Variants in TBX3 observed in about 807,000 individuals in gnomAD.
The protein encoded by TBX3 is T-box transcription factor 3.
Under a neutral mutation model 47.8 loss-of-function variants are expected in TBX3, and 11 were observed. The observed-to-expected ratio is 0.23, with a 90% CI of 0.14 to 0.38. TBX3 has a LOEUF of 0.38. TBX3 is among the 10% of genes least tolerant of loss of function. The pLI is 1.00. For missense variants in TBX3, 927 were observed against 1,022.8 expected (o/e 0.91, Z 1.28); for synonymous variants, 500 against 449.3 (o/e 1.11, Z -1.43).
chr12:114,675,431 CAG>C (rs1347857963), intron 5 of TBX3, among the ~76,000 whole-genome samples: 3 of 152,182 alleles, frequency 2.0e-5, no homozygotes, highest in East Asian at 1.9e-4. Context: ...CCAGTCCCTG[CAG>C]AGAGAGATGA....
At chr12:114,679,785 G>A (rs1868850719) in intron 2 of TBX3, 134 bp from the exon 3 acceptor site, 1 of 1,530,250 alleles carries the variant, frequency 6.5e-7, no homozygotes, top group Non-Finnish European at 9.0e-7. Context: ...CCTCCTTGGA[G>A]TACCCCCTGG....
rs755321111 is a variant in TBX3, at chr12:114,672,251, T to G, written c.1762A>C (p.Met588Leu). 9 of 1,576,336 alleles carry G rather than the reference T, an allele frequency of 5.7e-6. No individual in the cohort carries two copies. In the Admixed American group the frequency reaches 1.5e-4, roughly 26 times the overall value. The change falls in exon 7 of 7, where the codon ATG (methionine) becomes CTG (leucine). Residue 588 changes from methionine to leucine, a missense_variant. Met to Leu is a conservative substitution (Grantham distance 15). Coordinates refer to ENST00000349155, the MANE Select transcript of TBX3 (RefSeq NM_005996.4). ...GSLFPYPYTYMAAAAAASSAA... is the reference protein window; with the variant it reads ...GSLFPYPYTYLAAAAAASSAA... ...GAGGAGGCGGCCGCCGCTGCGGCCA[T>G]GTACGTGTAGGGGTAAGGGAACAGG...
Position 114,674,202 on chromosome 12 carries a change from A to G in TBX3, c.1673T>C (p.Leu558Pro). Residue 558 changes from leucine (L) to proline (P), a missense_variant, in exon 6 of 7, where the codon CTG becomes CCG. Physicochemically the swap from Leu to Pro is moderately conservative, Grantham distance 98. This residue lies in a region of TBX3 where 623 missense variants were observed against 569.0 expected (regional missense o/e 1.09). Coordinates refer to ENST00000349155, the MANE Select transcript of TBX3 (RefSeq NM_005996.4). ...QGLSGASAAT[L>P]PFHLQQHVLA... ...GACGTGCTGCTGGAGGTGGAAGGGC[A>G]GGGTGGCCGCGGACGCCCCGGACAG... The G allele has an allele frequency of 1.3e-6, 2 of 1,582,974 alleles. No individual in the cohort carries two copies. Among genetic ancestry groups the G allele is most frequent in the South Asian group, 2.3e-5 (2 of 86,210 alleles).
Position 114,674,596 on chromosome 12 carries a change from G to C in TBX3, c.1279C>G (p.Arg427Gly). Residue 427 changes from arginine (R) to glycine (G), a missense_variant, in exon 6 of 7, where the codon CGC becomes GGC. Around this residue, in one of 5 missense-constraint regions of TBX3, gnomAD observed 623 missense variants for 569.0 expected, o/e 1.09. Coordinates refer to ENST00000349155, the MANE Select transcript of TBX3 (RefSeq NM_005996.4). ...HSPATISSST[R>G]GLGAEERRSP... ...CTGCGCTCCTCCGCGCCCAGGCCGC[G>C]AGTGCTGGACGAGATGGTGGCGGGG... The C allele has an allele frequency of 6.3e-7, 1 of 1,595,654 alleles. No homozygotes were observed. The highest frequency in any genetic ancestry group is 8.5e-7 in the Non-Finnish European group (1 of 1,172,730).
rs1381213244 is a variant in TBX3, at chr12:114,674,732, C to T, written c.1143G>A (p.Glu381=). The T allele has an allele frequency of 1.9e-5, 31 of 1,598,068 alleles. No individual in the cohort carries two copies. Among genetic ancestry groups the T allele is most frequent in the Non-Finnish European group, 2.6e-5 (31 of 1,176,390 alleles). ...GGCTGCCCTTGTCACGGCAGGGCTC[C>T]TCCGACGTGGTGGTGGAGATCTTGG... ...DAAKISTTTS[E]EPCRDKGSPA... is the part of the protein sequence containing the mutation. The change falls in exon 6 of 7, where the codon GAG becomes GAA. Residue 381 remains glutamate, a synonymous_variant. Coordinates refer to ENST00000349155, the MANE Select transcript of TBX3 (RefSeq NM_005996.4).
intron 1 of TBX3, 147 bp downstream of exon 1, chr12:114,682,665 G>C (rs1442009545): frequency 3.2e-6 from 4 of 1,240,724 alleles, no homozygotes; most frequent in Non-Finnish European, 4.5e-6. Context: ...ACCGGGGCAG[G>C]GCCTGGAAGT....
rs765946812 is a variant in TBX3, at chr12:114,672,024, C to T, written c.1989G>A (p.Ser663=). ...KVAALAASPA[S]VAVDSGSELN... The stretch of plus-strand genomic sequence containing the variant: ...GTTCAGAGCCCGAGTCCACTGCCAC[C>T]GAGGCCGGGCTGGCGGCCAGGGCGG... The change falls in exon 7 of 7, where the codon TCG becomes TCA. Residue 663 remains serine (S), a synonymous_variant. Coordinates refer to ENST00000349155, the MANE Select transcript of TBX3 (RefSeq NM_005996.4). 2.5e-6 allele frequency: 4 copies of T among 1,590,560 alleles called. No individual in the cohort carries two copies. Among genetic ancestry groups the T allele is most frequent in the Non-Finnish European group, 3.4e-6 (4 of 1,168,928 alleles).
At chr12:114,677,831 G>A (rs1868772483) in intron 3 of TBX3, among the ~76,000 whole-genome samples, 175 bp from the exon 4 acceptor site, 1 of 152,150 alleles carries the variant, frequency 6.6e-6, no homozygotes. Context: ...TCTCCTATAT[G>A]AGGCCAAACC....
rs1289976078 is a variant in TBX3, at chr12:114,671,258, T to TA, written c.*582dup. ...GGCTCTGAAAACATCACAAGAATAT[T>TA]AAAAAGACACAGATTTTCTTAATAT... On this transcript the variant is annotated 3_prime_UTR_variant, in exon 7 of 7. Coordinates refer to ENST00000349155, the MANE Select transcript of TBX3 (RefSeq NM_005996.4). 1.3e-5 allele frequency: 3 copies of TA among 231,856 alleles called. No homozygotes were observed. The highest frequency in any genetic ancestry group is 6.6e-5 in the African/African-American group (3 of 45,118). 14.4% of individuals were successfully genotyped at this position (231,856 alleles called of 1,614,324 possible).
rs867417931 is a variant in TBX3 at position 114,672,289 on chromosome 12, G to T, written c.1724C>A (p.Ser575Tyr). The change falls in exon 7 of 7, where the codon TCC becomes TAC. Residue 575 changes from serine to tyrosine, a missense_variant. Ser to Tyr is a moderately radical substitution (Grantham distance 144). Around this residue, in one of 5 missense-constraint regions of TBX3, gnomAD observed 623 missense variants for 569.0 expected, o/e 1.09. Coordinates refer to ENST00000349155, the MANE Select transcript of TBX3 (RefSeq NM_005996.4). ...HVLASQGLAM[S>Y]PFGSLFPYPY... The stretch of plus-strand genomic sequence containing the variant: ...GTAAGGGAACAGGCTTCCGAAAGGG[G>T]ACATGGCCAGGCCCTGGGGTGAGAA... 2 of 1,563,862 alleles carry T rather than the reference G, an allele frequency of 1.3e-6. No individual in the cohort carries two copies. Among genetic ancestry groups the T allele is most frequent in the Non-Finnish European group, 1.7e-6 (2 of 1,155,838 alleles).
At chr12:114,678,058 T>C (rs924887837) in intron 3 of TBX3, among the ~76,000 whole-genome samples, 20 of 127,310 alleles carry the variant, frequency 1.6e-4, no homozygotes, top group Non-Finnish European at 3.4e-4. Context: ...ACACACACAC[T>C]CCTTTTCCAT....
At chr12:114,675,564 C>T (rs1271563503) in intron 5 of TBX3, among the ~76,000 whole-genome samples, 1 of 152,010 alleles carries the variant, frequency 6.6e-6, no homozygotes, top group Non-Finnish European at 1.5e-5. Context: ...ATGTTTAAAG[C>T]TTAAATGGAT....
intron 2 of TBX3, 81 bp from the exon 3 acceptor site, chr12:114,679,732 G>C (rs964143312): frequency 7.2e-5 from 116 of 1,601,482 alleles, no homozygotes; most frequent in Non-Finnish European, 9.2e-5. Context: ...CTGCCAGGCT[G>C]AAATCTTCCC....
At position 114,676,307 on chromosome 12, in the gene TBX3, G is replaced by GT. The variant is rs773876287; in HGVS notation, c.1039+5dup. On this transcript the variant is annotated splice_donor_region_variant and intron_variant, in intron 5 of 6. Transcript: ENST00000349155. ...GTCCAGTGATCACAAAGGTGACATG[G>GT]TTTACCTTTGAGGTTCGATGTCCCT... is the stretch of plus-strand genomic sequence containing the variant. The GT allele has an allele frequency of 7.4e-6, 12 of 1,613,556 alleles. No individual in the cohort carries two copies.
rs1868992251 is a variant in TBX3, at chr12:114,682,742, C to A, written c.389+70G>T. 12 of 1,611,662 alleles carry A rather than the reference C, an allele frequency of 7.4e-6. No homozygotes were observed. In the East Asian group the frequency reaches 2.5e-4, roughly 33 times the overall value. On this transcript the variant is annotated intron_variant, in intron 1 of 6. Transcript: ENST00000349155. ...CGTAATAACCGACCAACCGACTGTTCTGGGAGCAGAGAAATAAAGGGAGGA... is the reference window on the plus strand; with the variant it reads ...CGTAATAACCGACCAACCGACTGTTATGGGAGCAGAGAAATAAAGGGAGGA...
Position 114,674,435 on chromosome 12 carries a change from G to A in TBX3, c.1440C>T (p.Gly480=), listed in dbSNP as rs1868601991. ...CCGCCAGGCCCGGGGCGAAGCCGAG[G>A]CCAGGCAGGGGGCCCTGGGCCAGGT... is the stretch of plus-strand genomic sequence containing the variant. The part of the protein sequence containing the change: ...AAHLAQGPLP[G]LGFAPGLAGQ... The change falls in exon 6 of 7, where the codon GGC becomes GGT. Residue 480 remains glycine, a synonymous_variant. Transcript: ENST00000349155. 6.5e-7 allele frequency: 1 copy of A among 1,548,496 alleles called. No homozygotes were observed. Among genetic ancestry groups the A allele is most frequent in the Non-Finnish European group, 8.7e-7 (1 of 1,146,288 alleles).
At chr12:114,679,787 AC>A in intron 2 of TBX3, 136 bp from the exon 3 acceptor site, 1 of 1,527,766 alleles carries the variant, frequency 6.5e-7, no homozygotes, top group Non-Finnish European at 9.0e-7. Context: ...TCCTTGGAGT[AC>A]CCCCTGGGTA....
chr12:114,683,547 C>T lies in TBX3; in HGVS notation c.-347G>A. The T allele has an allele frequency of 3.0e-6, 1 of 329,186 alleles. No individual in the cohort carries two copies. The highest frequency in any genetic ancestry group is 5.6e-6 in the Non-Finnish European group (1 of 179,462). 20.4% of individuals were successfully genotyped at this position (329,186 alleles called of 1,614,324 possible). A position where few individuals can be genotyped will look rare whatever the true frequency, so the allele number is the denominator to read the frequency against. The stretch of plus-strand genomic sequence containing the variant: ...GGAGCGAGCAGGGTCTCGACTCGCG[C>T]CCGAGCCCTGCCGCTGAGCTCGAAA... On this transcript the variant is annotated 5_prime_UTR_variant, in exon 1 of 7. Transcript: ENST00000349155. The surrounding 1 kb of genome is among the most constrained non-coding windows in gnomAD (Gnocchi z 7.7).
At chr12:114,672,446 T>TGG (rs1565858485) in intron 6 of TBX3, 144 bp from the exon 7 acceptor site, 21 of 387,104 alleles carry the variant, frequency 5.4e-5, no homozygotes, top group Middle Eastern at 7.3e-4. Flanking sequence ...GTTTTTTTTT[T>TGG]TGGGGGGGGA....
Sources: allele counts gnomAD v4.1 joint callset (sites outside exome capture counted in the v4.1 genomes callset), GRCh38; gene constraint gnomAD v4.1.1; regional missense constraint gnomAD v4.1.1; non-coding constraint Gnocchi (gnomAD v3.1); transcripts MANE v1.5; gene names NCBI Gene and HGNC (gene_info 2026-07-23, HGNC 2026-07-21).